Variants in SLC48A1 observed in about 807,000 individuals in gnomAD.
SLC48A1 encodes heme transporter HRG1.
In SLC48A1, 6 loss-of-function variants were observed where a neutral mutation model predicts 14.8. The ratio of observed to expected loss-of-function variants is 0.41; its 90% CI spans 0.22 to 0.80. The LOEUF (loss-of-function observed/expected upper bound fraction) is 0.80. Ranked by LOEUF, SLC48A1 falls within the 30% of genes least tolerant of loss-of-function variation. The pLI, the probability that SLC48A1 is intolerant of heterozygous loss-of-function variation, is 0.34. For synonymous variants in SLC48A1, 89 were observed against 90.0 expected, an observed-to-expected ratio of 0.99 and a Z score of 0.06; for missense variants, 165 against 204.8, an observed-to-expected ratio of 0.81 and a Z score of 1.19.
chr12:47,758,224 G>T, upstream of SLC48A1: 3 of 1,436,674 alleles, frequency 2.1e-6, no homozygotes, highest in Non-Finnish European at 2.7e-6. Flanking sequence ...GAGCTGGGGG[G>T]AGGAACAGGA....
chr12:47,780,410 A>G lies in SLC48A1; in HGVS notation c.*129A>G, dbSNP rs1942841816. On this transcript the variant is annotated 3_prime_UTR_variant, in exon 3 of 3. Transcript: ENST00000442218. ...GTGGCAGAAAATACACAGCAGGACGAGTGTGGTCTCCCAGGAAGCTGTCCT... is the reference window on the plus strand; with the variant it reads ...GTGGCAGAAAATACACAGCAGGACGGGTGTGGTCTCCCAGGAAGCTGTCCT... The G allele has an allele frequency of 7.0e-7, 1 of 1,418,442 alleles. No individual in the cohort carries two copies. Among genetic ancestry groups the G allele is most frequent in the African/African-American group, 1.4e-5 (1 of 70,942 alleles). The allele number at this position is 1,418,442 out of a possible 1,614,324, so 87.9% of individuals were successfully genotyped here.
At chr12:47,772,936 A>T (rs1942657024), upstream of SLC48A1, among the ~76,000 whole-genome samples, 2 of 152,204 alleles carry the variant, frequency 1.3e-5, no homozygotes, top group African/African-American at 2.4e-5. Flanking sequence ...GAAAATACGC[A>T]TCGTACTCAG....
chr12:47,760,888 A>G (rs755879149), intron 2 of SLC48A1, among the ~76,000 whole-genome samples: 1 of 152,150 alleles, frequency 6.6e-6, no homozygotes, highest in African/African-American at 2.4e-5. Context: ...ACTGCCTAGG[A>G]GAGTCTACTC....
At position 47,773,429 on chromosome 12, in the gene SLC48A1, G is replaced by A; in HGVS notation, c.125G>A (p.Gly42Glu). Reference protein sequence around the residue: ...VYRQPGTAAMGGLAGVLALWV... With the variant: ...VYRQPGTAAMEGLAGVLALWV... ...CGACAGCCGGGGACCGCGGCCATGG[G>A]AGGGCTCGCAGGTACCCCGGGACGC... Residue 42 changes from glycine (G) to glutamate (E), a missense_variant, in exon 1 of 3, where the codon GGA becomes GAA. Coordinates refer to ENST00000442218, the MANE Select transcript of SLC48A1 (RefSeq NM_017842.3). 1 of 1,426,630 alleles carries A rather than the reference G, an allele frequency of 7.0e-7. No homozygotes were observed. The highest frequency in any genetic ancestry group is 9.2e-7 in the Non-Finnish European group (1 of 1,083,136). The allele number at this position is 1,426,630 out of a possible 1,614,324, so 88.4% of individuals were successfully genotyped here.
At chr12:47,762,959 G>A (rs1293179116) in intron 2 of SLC48A1, among the ~76,000 whole-genome samples, 1 of 152,110 alleles carries the variant, frequency 6.6e-6, no homozygotes, top group Non-Finnish European at 1.5e-5. Flanking sequence ...AAATCTTCAG[G>A]GCCCCAGAGC....
intron 2 of SLC48A1, among the ~76,000 whole-genome samples, chr12:47,761,109 A>G (rs2136841551): frequency 6.7e-6 from 1 of 149,908 alleles, no homozygotes; most frequent in East Asian, 2.1e-4. Flanking sequence ...AGGCAGGAGA[A>G]TTCTTTCAAC....
upstream of SLC48A1, chr12:47,773,237 C>G: frequency 8.7e-7 from 1 of 1,151,748 alleles, no homozygotes; most frequent in African/African-American, 1.6e-5. Context: ...CTCCGGCTGG[C>G]GGCTTCGGGC....
upstream of SLC48A1, among the ~76,000 whole-genome samples, chr12:47,755,186 G>C (rs148970854): frequency 1.3e-3 from 201 of 152,286 alleles, 1 homozygote; most frequent in Middle Eastern, 6.8e-3. Flanking sequence ...TGGGACCAAA[G>C]CCCAGCTTTG....
At chr12:47,759,121 G>A in intron 1 of SLC48A1, 1 of 902,212 alleles carries the variant, frequency 1.1e-6, no homozygotes, top group Non-Finnish European at 1.3e-6. Flanking sequence ...GGAGGAGGCC[G>A]CAACGGCCGG....
intron 2 of SLC48A1, chr12:47,760,470 TAG>T (rs1239403711): frequency 1.1e-6 from 1 of 929,906 alleles, no homozygotes; most frequent in African/African-American, 1.8e-5. Flanking sequence ...TGCCCTGGCC[TAG>T]AAGTTCTTGC....
In SLC48A1 at chr12:47,780,429, C is replaced by T; in HGVS notation, c.*148C>T. 1 of 1,254,912 alleles carries T rather than the reference C, an allele frequency of 8.0e-7. No individual in the cohort carries two copies. The highest frequency in any genetic ancestry group is 1.2e-6 in the Non-Finnish European group (1 of 852,820). The allele number at this position is 1,254,912 out of a possible 1,614,324, so 77.7% of individuals were successfully genotyped here. On this transcript the variant is annotated 3_prime_UTR_variant, in exon 3 of 3. Transcript: ENST00000442218. ...AGGACGAGTGTGGTCTCCCAGGAAG[C>T]TGTCCTGCCCGTCCCCTTTCGAGGA... is the stretch of plus-strand genomic sequence containing the variant.
chr12:47,774,224 G>T (rs1942692181), intron 1 of SLC48A1, among the ~76,000 whole-genome samples: 1 of 152,206 alleles, frequency 6.6e-6, no homozygotes, highest in Admixed American at 6.5e-5. Flanking sequence ...ATTTGGGCTC[G>T]CAGTTTAACC....
intron 2 of SLC48A1, among the ~76,000 whole-genome samples, chr12:47,764,270 G>T (rs1288485500): frequency 1.3e-5 from 2 of 152,036 alleles, no homozygotes; most frequent in African/African-American, 4.8e-5. Context: ...TTCCCTAAGA[G>T]TCACTTTTCT....
intron 2 of SLC48A1, among the ~76,000 whole-genome samples, chr12:47,765,516 T>A (rs529528955): frequency 3.3e-5 from 5 of 152,244 alleles, no homozygotes; most frequent in Non-Finnish European, 7.3e-5. Flanking sequence ...TCTCCCCAAC[T>A]GCTTCAGTTC....
chr12:47,769,103 C>A (rs1942575019), upstream of SLC48A1: 1 of 152,142 alleles, frequency 6.6e-6, no homozygotes, highest in African/African-American at 2.4e-5. Flanking sequence ...TTAAATGAGC[C>A]CAGCCTAGAA....
chr12:47,775,515 G>A (rs959405263), intron 1 of SLC48A1, among the ~76,000 whole-genome samples: 9 of 152,204 alleles, frequency 5.9e-5, no homozygotes, highest in South Asian at 2.1e-4. Context: ...GCAGGGAGAG[G>A]GGTTGCCAAG....
Position 47,773,256 on chromosome 12 carries a change from T to A in SLC48A1, c.-49T>A, listed in dbSNP as rs1592605017. The A allele has an allele frequency of 7.8e-7, 1 of 1,288,956 alleles. No individual in the cohort carries two copies. The highest frequency in any genetic ancestry group is 3.5e-5 in the East Asian group (1 of 28,670). 79.8% of individuals were successfully genotyped at this position (1,288,956 alleles called of 1,614,324 possible). A position where few individuals can be genotyped will look rare whatever the true frequency, so the allele number is the denominator to read the frequency against. On this transcript the variant is annotated 5_prime_UTR_variant, in exon 1 of 3. Transcript: ENST00000442218. ...GGCTGGCGGCTTCGGGCCCTGCACC[T>A]GTGACTCTCGGCCGCGCTCGCCCTC...
At chr12:47,761,058 G>T (rs1051406725) in intron 2 of SLC48A1, among the ~76,000 whole-genome samples, 4 of 152,206 alleles carry the variant, frequency 2.6e-5, no homozygotes. Context: ...TTAGCCAGGC[G>T]TGGTGGCGTG....
upstream of SLC48A1, among the ~76,000 whole-genome samples, chr12:47,766,939 T>C (rs1406670993): frequency 6.6e-6 from 1 of 151,924 alleles, no homozygotes; most frequent in East Asian, 1.9e-4. Context: ...TAGAGTTGAG[T>C]CCTCCCTGCA....
Sources: gnomAD v4.1 joint callset for allele counts (sites outside exome capture counted in the v4.1 genomes callset) on GRCh38, gnomAD v4.1.1 for gene constraint, MANE v1.5 for transcripts, NCBI Gene and HGNC (gene_info 2026-07-23, HGNC 2026-07-21) for gene names.